Variants in CENPP observed in about 807,000 individuals in gnomAD.
CENPP encodes the protein centromere protein P.
A neutral mutation model predicts 35.6 loss-of-function variants in CENPP; 24 were observed. That is an observed-to-expected ratio of 0.67 (90% confidence interval 0.49 to 0.95). The LOEUF is 0.95. CENPP is among the 40% of genes least tolerant of loss of function. The pLI, the probability that CENPP is intolerant of heterozygous loss-of-function variation, is 0.00. For synonymous variants in CENPP, 120 were observed against 125.5 expected (o/e 0.96, Z 0.29); for missense variants, 332 against 345.3 (o/e 0.96, Z 0.31).
chr9:92,350,136 T>G (rs534905130), intron 4 of CENPP, among the ~76,000 whole-genome samples: 3 of 152,246 alleles, frequency 2.0e-5, no homozygotes, highest in Non-Finnish European at 4.4e-5. Flanking sequence ...TTTGGAATCT[T>G]TATCCTAAAT....
chr9:92,423,437 C>T (rs1843873821), intron 5 of CENPP, among the ~76,000 whole-genome samples: 2 of 151,926 alleles, frequency 1.3e-5, no homozygotes, highest in Non-Finnish European at 2.9e-5. Context: ...AAGTAAAATC[C>T]TCAACATTTT....
rs61233585 is a variant in CENPP, at chr9:92,352,467, CTGTGTG to C, written c.467+6714_467+6719del. 6.0e-3 allele frequency among the ~76,000 whole-genome samples: 427 copies of C among 71,324 alleles called. 7 individuals are homozygous for C. Among genetic ancestry groups the C allele is most frequent in the South Asian group, 8.5e-3 (20 of 2,340 alleles). 46.8% of individuals were successfully genotyped at this position (71,324 alleles called of 152,430 possible). A position where few individuals can be genotyped will look rare whatever the true frequency, so the allele number is the denominator to read the frequency against. On this transcript the variant is annotated intron_variant, in intron 4 of 7. Coordinates refer to ENST00000375587, the MANE Select transcript of CENPP (RefSeq NM_001012267.3). ...TTCTCTCAAGCCTGTTGCTTAAAGCCTGTGTGTGTGTGTGTGTGTGTGTGTGTGTGT... is the reference window on the plus strand; with the variant it reads ...TTCTCTCAAGCCTGTTGCTTAAAGCCTGTGTGTGTGTGTGTGTGTGTGTGT...
At chr9:92,393,900 C>T (rs1353490965) in intron 5 of CENPP, among the ~76,000 whole-genome samples, 1 of 151,956 alleles carries the variant, frequency 6.6e-6, no homozygotes, top group Non-Finnish European at 1.5e-5. Flanking sequence ...TGCTGTGTGT[C>T]CAAAAGCACA....
chr9:92,384,860 T>G (rs2130876905), intron 5 of CENPP: 1 of 152,524 alleles, frequency 6.6e-6, no homozygotes, highest in East Asian at 1.9e-4. Flanking sequence ...GATGAACTTT[T>G]CATTATTTCT....
chr9:92,463,833 C>T (rs1328806376), intron 5 of CENPP, among the ~76,000 whole-genome samples: 1 of 152,120 alleles, frequency 6.6e-6, no homozygotes, highest in African/African-American at 2.4e-5. Context: ...TTGTATAGTT[C>T]TGAATTAAAC....
chr9:92,433,626 T>C (rs1190537094), intron 5 of CENPP, among the ~76,000 whole-genome samples: 1 of 152,070 alleles, frequency 6.6e-6, no homozygotes, highest in Admixed American at 6.6e-5. Flanking sequence ...ACAATGAAAA[T>C]GTAATTACAA....
At chr9:92,445,037 A>G (rs1193786380) in intron 5 of CENPP, among the ~76,000 whole-genome samples, 1 of 152,126 alleles carries the variant, frequency 6.6e-6, no homozygotes, top group Non-Finnish European at 1.5e-5. Context: ...AGTTGAGCCT[A>G]GGGGGATGGG....
intron 5 of CENPP, chr9:92,465,173 TTCTG>T (rs1339945563): frequency 3.1e-6 from 2 of 640,428 alleles, no homozygotes; most frequent in Non-Finnish European, 5.6e-6. Flanking sequence ...GTATATCTGC[TTCTG>T]TCTATCTACT....
chr9:92,499,366 A>T (rs924156177), intron 5 of CENPP, among the ~76,000 whole-genome samples: 1 of 152,084 alleles, frequency 6.6e-6, no homozygotes, highest in Non-Finnish European at 1.5e-5. Flanking sequence ...TGAGCAAAAA[A>T]TTTTTTACAG....
chr9:92,540,359 A>G (rs965015079), intron 5 of CENPP, among the ~76,000 whole-genome samples: 1 of 150,314 alleles, frequency 6.7e-6, no homozygotes, highest in Non-Finnish European at 1.5e-5. Context: ...AATCCCTTGA[A>G]CCCAGGCGGC....
intron 5 of CENPP, among the ~76,000 whole-genome samples, chr9:92,553,694 G>T (rs1849662225): frequency 6.6e-6 from 1 of 152,142 alleles, no homozygotes; most frequent in Non-Finnish European, 1.5e-5. Flanking sequence ...AAGGGATTGA[G>T]TTCTTGATTT....
chr9:92,548,234 G>T (rs1426521618), intron 5 of CENPP, among the ~76,000 whole-genome samples: 1 of 146,974 alleles, frequency 6.8e-6, no homozygotes, highest in Non-Finnish European at 1.5e-5. Context: ...TTTCACTGCT[G>T]TGGCATCATG....
intron 5 of CENPP, chr9:92,401,101 CT>C: frequency 6.9e-7 from 1 of 1,450,792 alleles, no homozygotes; most frequent in Non-Finnish European, 9.7e-7. Flanking sequence ...CCATCATTTT[CT>C]TTCTTGGGAG....
chr9:92,457,697 G>A (rs554300209), intron 5 of CENPP, among the ~76,000 whole-genome samples: 213 of 152,266 alleles, frequency 1.4e-3, no homozygotes, highest in African/African-American at 4.7e-3. Context: ...AAGTGTTGGG[G>A]AAGGACTCCC....
Position 92,456,934 on chromosome 9 carries a change from C to T in CENPP, c.564+77075C>T, listed in dbSNP as rs1195758246. 3.9e-6 allele frequency: 4 copies of T among 1,021,888 alleles called. No homozygotes were observed. The African/African-American group carries it at 6.9e-5, about 18-fold the overall frequency. 63.3% of individuals were successfully genotyped at this position (1,021,888 alleles called of 1,614,324 possible). Reference sequence around the variant, plus strand: ...AGAGCACAAATTTTGCTAAGTCAAGCATTCCATTTACAGTACAGTTCTTTT... The same window carrying T: ...AGAGCACAAATTTTGCTAAGTCAAGTATTCCATTTACAGTACAGTTCTTTT... On this transcript the variant is annotated intron_variant, in intron 5 of 7. Coordinates refer to ENST00000375587, the MANE Select transcript of CENPP (RefSeq NM_001012267.3).
chr9:92,619,619 C>CA lies in CENPP; in HGVS notation c.*6471dup. The CA allele has an allele frequency of 6.9e-7, 1 of 1,453,760 alleles. No individual in the cohort carries two copies. Among genetic ancestry groups the CA allele is most frequent in the Non-Finnish European group, 9.4e-7 (1 of 1,059,232 alleles). 90.1% of individuals were successfully genotyped at this position (1,453,760 alleles called of 1,614,324 possible). ...GTCACACAGGAAGCCTCTGCCCCCC[C>CA]ACACAACCTTCCTTCCCAGTAGCCA... On this transcript the variant is annotated 3_prime_UTR_variant, in exon 8 of 8. Transcript: ENST00000375587.
chr9:92,403,085 A>G (rs764007053), intron 5 of CENPP: 4 of 557,666 alleles, frequency 7.2e-6, no homozygotes, highest in African/African-American at 1.9e-5. Flanking sequence ...TAAAAATACA[A>G]TCTTAGGGAC....
chr9:92,552,007 T>TC (rs1849612962), intron 5 of CENPP, among the ~76,000 whole-genome samples: 2 of 146,258 alleles, frequency 1.4e-5, no homozygotes, highest in African/African-American at 2.5e-5. Context: ...TATATGTGTA[T>TC]ATATATGATA....
intron 5 of CENPP, among the ~76,000 whole-genome samples, chr9:92,485,747 C>T (rs1846040101): frequency 6.6e-6 from 1 of 152,114 alleles, no homozygotes; most frequent in Non-Finnish European, 1.5e-5. Flanking sequence ...TACAATCATA[C>T]CTCAAACTCC....
Sources: allele counts gnomAD v4.1 joint callset (sites outside exome capture counted in the v4.1 genomes callset), GRCh38; gene constraint gnomAD v4.1.1; transcripts MANE v1.5; gene names NCBI Gene and HGNC (gene_info 2026-07-23, HGNC 2026-07-21).